Variants in MFAP3 observed in about 807,000 individuals in gnomAD.
The protein encoded by MFAP3 is microfibril associated protein 3, also known as microfibril-associated glycoprotein 3.
A neutral mutation model predicts 20.5 loss-of-function variants in MFAP3; 8 were observed. The observed-to-expected ratio is 0.39, with a 90% CI of 0.23 to 0.70. The LOEUF (loss-of-function observed/expected upper bound fraction) is 0.70. MFAP3 is among the 30% of genes least tolerant of loss of function. The pLI, the probability that MFAP3 is intolerant of heterozygous loss-of-function variation, is 0.44. For synonymous variants in MFAP3, 140 were observed against 154.0 expected, an observed-to-expected ratio of 0.91 and a Z score of 0.67; for missense variants, 398 against 444.6, an observed-to-expected ratio of 0.90 and a Z score of 0.94.
At position 154,056,497 on chromosome 5, in the gene MFAP3, T is replaced by C. The variant is rs1335531678; in HGVS notation, c.*2784T>C. ...TTCAACTACAGTCTAAAAGTCTTGA[T>C]GGTAACTATAGTGTAATTATCTTTT... On this transcript the variant is annotated 3_prime_UTR_variant, in exon 3 of 3. Transcript: ENST00000522782. 6.6e-6 allele frequency among the ~76,000 whole-genome samples: 1 copy of C among 152,246 alleles called. No homozygotes were observed. Among genetic ancestry groups the C allele is most frequent in the African/African-American group, 2.4e-5 (1 of 41,472 alleles).
rs1413642419 is a variant in MFAP3, at chr5:154,053,812, G to A, written c.*99G>A. On this transcript the variant is annotated 3_prime_UTR_variant, in exon 3 of 3. Transcript: ENST00000522782. ...AACATTTTTGCCAAAAGATGACTGGGGTTTTCCGTTTGTTAATATTAAGCA... is the reference window on the plus strand; with the variant it reads ...AACATTTTTGCCAAAAGATGACTGGAGTTTTCCGTTTGTTAATATTAAGCA... 1 of 1,135,502 alleles carries A rather than the reference G, an allele frequency of 8.8e-7. No individual in the cohort carries two copies. The highest frequency in any genetic ancestry group is 1.3e-6 in the Non-Finnish European group (1 of 792,736). The allele number at this position is 1,135,502 out of a possible 1,614,324, so 70.3% of individuals were successfully genotyped here.
chr5:154,039,523 A>G (rs1237067065), intron 1 of MFAP3, among the ~76,000 whole-genome samples: 1 of 152,230 alleles, frequency 6.6e-6, no homozygotes, highest in Non-Finnish European at 1.5e-5. Context: ...AGATGAGGCC[A>G]GGGACTTGAG....
intron 1 of MFAP3, among the ~76,000 whole-genome samples, chr5:154,042,151 G>A (rs1772968914): frequency 6.6e-6 from 1 of 152,152 alleles, no homozygotes; most frequent in African/African-American, 2.4e-5. Flanking sequence ...CTGAGGGTAA[G>A]AGGAGTTCTG....
At chr5:154,040,840 A>C (rs895440021) in intron 1 of MFAP3, among the ~76,000 whole-genome samples, 11 of 152,174 alleles carry the variant, frequency 7.2e-5, no homozygotes, top group Admixed American at 1.3e-4. Flanking sequence ...CTAAAACTCA[A>C]GATAGGTGTC....
At position 154,055,177 on chromosome 5, in the gene MFAP3, C is replaced by T. The variant is rs72806620; in HGVS notation, c.*1464C>T. ...TGGGGCTTCACGTTTCTTCATATGA[C>T]TTCTGATTATTGAAGCATTACTTCA... On this transcript the variant is annotated 3_prime_UTR_variant, in exon 3 of 3. Coordinates refer to ENST00000522782, the MANE Select transcript of MFAP3 (RefSeq NM_005927.5). 0.049 allele frequency: 8,174 copies of T among 167,150 alleles called. 283 individuals carry two copies. Among genetic ancestry groups the T allele is most frequent in the Non-Finnish European group, 0.076 (5,179 of 68,096 alleles). The allele number at this position is 167,150 out of a possible 1,614,324, so 10.4% of individuals were successfully genotyped here.
Position 154,039,987 on chromosome 5 carries a change from AAAC to A in MFAP3, c.-167+985_-167+987del, listed in dbSNP as rs570098051. ...CCTGGAAGCTTGTTAAAATTCCAAAAAACAACAACAAAAAAACCCCTGCTTAAA... is the reference window on the plus strand; with the variant it reads ...CCTGGAAGCTTGTTAAAATTCCAAAAAACAACAAAAAAACCCCTGCTTAAA... On this transcript the variant is annotated intron_variant, in intron 1 of 2. Transcript: ENST00000522782. Among the ~76,000 whole-genome samples, 396 of 152,352 alleles carry A rather than the reference AAAC, an allele frequency of 2.6e-3. 1 individual carries two copies. The highest frequency in any genetic ancestry group is 2.4e-3 in the Non-Finnish European group (160 of 68,030).
In MFAP3 at chr5:154,055,798, G is replaced by A. The variant is rs1773316267; in HGVS notation, c.*2085G>A. On this transcript the variant is annotated 3_prime_UTR_variant, in exon 3 of 3. Coordinates refer to ENST00000522782, the MANE Select transcript of MFAP3 (RefSeq NM_005927.5). Reference sequence around the variant, plus strand: ...TTTTTTTTTATTTTTTGTAGAGATGGGGGTCTCACTTTGTTGCCCAGGCTG... The same window carrying A: ...TTTTTTTTTATTTTTTGTAGAGATGAGGGTCTCACTTTGTTGCCCAGGCTG... Among the ~76,000 whole-genome samples, 1 of 151,922 alleles carries A rather than the reference G, an allele frequency of 6.6e-6. No individual in the cohort carries two copies. Among genetic ancestry groups the A allele is most frequent in the Non-Finnish European group, 1.5e-5 (1 of 67,968 alleles).
At chr5:154,040,891 C>A (rs575044458) in intron 1 of MFAP3, among the ~76,000 whole-genome samples, 1 of 152,186 alleles carries the variant, frequency 6.6e-6, no homozygotes, top group South Asian at 2.1e-4. Context: ...TTTCCAGAGC[C>A]TGAAGCTCTG....
chr5:154,043,935 C>T (rs1408693351), intron 1 of MFAP3, among the ~76,000 whole-genome samples: 1 of 152,150 alleles, frequency 6.6e-6, no homozygotes, highest in Non-Finnish European at 1.5e-5. Flanking sequence ...ATGTTCAAAG[C>T]ATGCAGGCCT....
chr5:154,043,325 A>G (rs895617644), intron 1 of MFAP3, among the ~76,000 whole-genome samples: 11 of 152,166 alleles, frequency 7.2e-5, no homozygotes, highest in African/African-American at 2.7e-4. Context: ...CGAGGCAGCC[A>G]GATCACCTGA....
At chr5:154,050,068 T>C (rs1458942874) in intron 2 of MFAP3, 51 bp downstream of exon 2, 1 of 1,522,098 alleles carries the variant, frequency 6.6e-7, no homozygotes, top group Non-Finnish European at 8.8e-7. Flanking sequence ...CTGTTCTGTC[T>C]TCTTATTTTT....
chr5:154,041,580 A>G (rs1199058118), intron 1 of MFAP3, among the ~76,000 whole-genome samples: 2 of 152,220 alleles, frequency 1.3e-5, no homozygotes, highest in African/African-American at 4.8e-5. Context: ...CTGCTGCCTG[A>G]ATCTATTCTT....
In MFAP3 at chr5:154,056,179, A is replaced by G. The variant is rs556370519; in HGVS notation, c.*2466A>G. On this transcript the variant is annotated 3_prime_UTR_variant, in exon 3 of 3. Coordinates refer to ENST00000522782, the MANE Select transcript of MFAP3 (RefSeq NM_005927.5). Reference sequence around the variant, plus strand: ...TTTTTAAAGTCTGTAAGTTTGCACGATACTGTATAGTAACTAAATGCATGC... The same window carrying G: ...TTTTTAAAGTCTGTAAGTTTGCACGGTACTGTATAGTAACTAAATGCATGC... 1.4e-4 allele frequency among the ~76,000 whole-genome samples: 22 copies of G among 152,340 alleles called. No homozygotes were observed. Among genetic ancestry groups the G allele is most frequent in the African/African-American group, 3.1e-4 (13 of 41,596 alleles).
chr5:154,048,067 A>T (rs931738274), intron 1 of MFAP3, among the ~76,000 whole-genome samples: 1 of 152,176 alleles, frequency 6.6e-6, no homozygotes, highest in African/African-American at 2.4e-5. Context: ...ACCCCCTCTT[A>T]AAAAAGAGAC....
intron 1 of MFAP3, among the ~76,000 whole-genome samples, chr5:154,044,848 C>A (rs1399762388): frequency 2.0e-5 from 3 of 152,108 alleles, no homozygotes; most frequent in African/African-American, 7.2e-5. Flanking sequence ...CCTGCCTAAC[C>A]ATTTCCGCAT....
Position 154,053,532 on chromosome 5 carries a change from G to C in MFAP3, c.908G>C (p.Gly303Ala). ...TCACCAGGAGGAGATTCAGATGATG[G>C]CTCTCTGAATGAACAAGGCCAGGAA... ...SNSPGGDSDD[G>A]SLNEQGQEIA... The change falls in exon 3 of 3, where the codon GGC becomes GCC. Residue 303 changes from glycine to alanine, a missense_variant. By Grantham distance (60) the Gly-to-Ala change is moderately conservative. Transcript: ENST00000522782. 1 of 1,613,736 alleles carries C rather than the reference G, an allele frequency of 6.2e-7. No individual in the cohort carries two copies. Among genetic ancestry groups the C allele is most frequent in the Non-Finnish European group, 8.5e-7 (1 of 1,179,918 alleles).
At chr5:154,044,555 C>T (rs1773032344) in intron 1 of MFAP3, among the ~76,000 whole-genome samples, 1 of 152,220 alleles carries the variant, frequency 6.6e-6, no homozygotes, top group South Asian at 2.1e-4. Context: ...GGCTATTGTG[C>T]AGCCTCTTTC....
intron 1 of MFAP3, among the ~76,000 whole-genome samples, chr5:154,048,855 T>C (rs565507185): frequency 1.3e-5 from 2 of 152,220 alleles, no homozygotes; most frequent in African/African-American, 4.8e-5. Context: ...TTAAATACAC[T>C]GTACTTTGTC....
At chr5:154,052,870 T>G in intron 2 of MFAP3, 50 bp from the exon 3 acceptor site, 1 of 1,492,540 alleles carries the variant, frequency 6.7e-7, no homozygotes, top group Non-Finnish European at 9.1e-7. Context: ...GCGGGCATAT[T>G]TAGTAATCTT....
Sources: allele counts gnomAD v4.1 joint callset (sites outside exome capture counted in the v4.1 genomes callset), GRCh38; gene constraint gnomAD v4.1.1; transcripts MANE v1.5; gene names NCBI Gene and HGNC (gene_info 2026-07-23, HGNC 2026-07-21).